Variants in PRSS54 observed in about 807,000 individuals in gnomAD.
PRSS54 encodes the protein serine protease 54, also known as inactive serine protease 54.
PRSS54 carries 16 observed loss-of-function variants against 19.9 expected under a neutral mutation model. That is an observed-to-expected ratio of 0.80 (90% CI 0.54 to 1.22). PRSS54 has a LOEUF of 1.22. Ranked by LOEUF, PRSS54 falls within the 50% of genes most tolerant of loss-of-function variation. The pLI is 0.00. For synonymous variants in PRSS54, 177 were observed against 195.8 expected (o/e 0.90, Z 0.80); for missense variants, 444 against 494.8 (o/e 0.90, Z 0.97).
intron 3 of PRSS54, 133 bp downstream of exon 3, chr16:58,293,599 C>T: frequency 6.7e-7 from 1 of 1,498,488 alleles, no homozygotes. Context: ...TGCAGGCCGC[C>T]CGGTGCAAAG....
chr16:58,289,697 G>A lies in PRSS54; in HGVS notation c.263+1262C>T, dbSNP rs60389291. Among the ~76,000 whole-genome samples, 56 of 151,752 alleles carry A rather than the reference G, an allele frequency of 3.7e-4. 2 individuals are homozygous for A. The East Asian group carries it at 0.011, about 29-fold the overall frequency. On this transcript the variant is annotated intron_variant, in intron 4 of 6. Coordinates refer to ENST00000567164, the MANE Select transcript of PRSS54 (RefSeq NM_001305173.2). ...AGTGATTCTCCTATCTCGGCCTTCC[G>A]AGTAGCTGTGATTACAGGTGTATGC... is the stretch of plus-strand genomic sequence containing the variant.
intron 4 of PRSS54, among the ~76,000 whole-genome samples, chr16:58,287,561 C>G (rs1190831271): frequency 6.6e-6 from 1 of 152,220 alleles, no homozygotes; most frequent in South Asian, 2.1e-4. Flanking sequence ...AGGACACTGA[C>G]TTCACTTTCC....
At chr16:58,293,487 C>T (rs568459355) in intron 3 of PRSS54, 4 of 953,762 alleles carry the variant, frequency 4.2e-6, no homozygotes, top group East Asian at 1.2e-4. Flanking sequence ...CCCAGAGGGC[C>T]TTATTTTCCT....
intron 3 of PRSS54, among the ~76,000 whole-genome samples, chr16:58,292,585 C>T (rs528866909): frequency 1.3e-5 from 2 of 152,296 alleles, no homozygotes; most frequent in East Asian, 3.9e-4. Context: ...CAGACATCTC[C>T]ATTAATTGAC....
rs957258349 is a variant in PRSS54 at position 58,287,855 on chromosome 16, T to C, written c.264-1660A>G. ...GTATTGTCTAACCAAAGTACTGGCA[T>C]TACAGGTGTGAGTTATTGCACCTGG... is the stretch of plus-strand genomic sequence containing the variant. On this transcript the variant is annotated intron_variant, in intron 4 of 6. Coordinates refer to ENST00000567164, the MANE Select transcript of PRSS54 (RefSeq NM_001305173.2). Among the ~76,000 whole-genome samples the C allele has an allele frequency of 5.3e-5, 8 of 152,190 alleles. 1 individual carries two copies. The South Asian group carries it at 1.4e-3, about 28-fold the overall frequency.
At chr16:58,290,810 G>C (rs887183659) in intron 4 of PRSS54, 149 bp downstream of exon 4, 1 of 813,390 alleles carries the variant, frequency 1.2e-6, no homozygotes, top group Non-Finnish European at 1.9e-6. Flanking sequence ...GTGAATTTAG[G>C]GCTCACGACA....
intron 6 of PRSS54, 119 bp from the exon 7 acceptor site, chr16:58,280,876 G>T: frequency 1.1e-6 from 1 of 914,622 alleles, no homozygotes; most frequent in Non-Finnish European, 1.6e-6. Flanking sequence ...ACTGGAAATG[G>T]GGCAAATTAT....
intron 3 of PRSS54, 21 bp downstream of exon 3, chr16:58,293,711 G>T: frequency 6.2e-7 from 1 of 1,605,762 alleles, no homozygotes; most frequent in South Asian, 1.1e-5. Flanking sequence ...AAAGTCAGAG[G>T]GAGGAAAGCA....
In PRSS54 at chr16:58,286,116, T is replaced by C; in HGVS notation, c.343A>G (p.Ile115Val). The stretch of plus-strand genomic sequence containing the variant: ...TTATCAAAGTCCTCATGGATGATGA[T>C]GGTATTGACTGGATACTCTGTGTGA... ...IAHTEYPVNTIIIHEDFDNNS... is the reference protein window; with the variant it reads ...IAHTEYPVNTVIIHEDFDNNS... Residue 115 changes from isoleucine to valine, a missense_variant, in exon 5 of 7, where the codon ATC becomes GTC. Ile to Val is a conservative substitution (Grantham distance 29). Transcript: ENST00000567164. 4 of 1,614,174 alleles carry C rather than the reference T, an allele frequency of 2.5e-6. No individual in the cohort carries two copies. The highest frequency in any genetic ancestry group is 3.4e-6 in the Non-Finnish European group (4 of 1,179,994).
chr16:58,293,383 G>A (rs965303702), intron 3 of PRSS54, among the ~76,000 whole-genome samples: 1 of 152,200 alleles, frequency 6.6e-6, no homozygotes, highest in Admixed American at 6.5e-5. Context: ...CAGCCCTGCA[G>A]TTGGGGGTTG....
At position 58,280,326 on chromosome 16, in the gene PRSS54, C is replaced by A; in HGVS notation, c.1086G>T (p.Glu362Asp). 1 of 1,614,154 alleles carries A rather than the reference C, an allele frequency of 6.2e-7. No homozygotes were observed. Among genetic ancestry groups the A allele is most frequent in the South Asian group, 1.1e-5 (1 of 91,078 alleles). ...CTGCAAAAATCCTACCTTCCCCCAC[C>A]TCCCCACCGTAATAGTCATAGTATA... ...QPLYYDYYGG[E>D]VGEGRIFAGQ... is the part of the protein sequence containing the mutation. Residue 362 changes from glutamate to aspartate, a missense_variant, in exon 7 of 7, where the codon GAG (glutamate) becomes GAT (aspartate). By Grantham distance (45) the Glu-to-Asp change is conservative. Coordinates refer to ENST00000567164, the MANE Select transcript of PRSS54 (RefSeq NM_001305173.2).
chr16:58,293,659 T>C (rs1225498292), intron 3 of PRSS54, 73 bp downstream of exon 3: 8 of 1,554,558 alleles, frequency 5.1e-6, no homozygotes, highest in Non-Finnish European at 6.1e-6. Flanking sequence ...AAGGACCACT[T>C]CATCTTCCCG....
chr16:58,280,169 G>T lies in PRSS54; in HGVS notation c.*55C>A. The T allele has an allele frequency of 6.6e-7, 1 of 1,525,532 alleles. No individual in the cohort carries two copies. The highest frequency in any genetic ancestry group is 8.9e-7 in the Non-Finnish European group (1 of 1,122,862). 94.5% of individuals were successfully genotyped at this position (1,525,532 alleles called of 1,614,324 possible). A position where few individuals can be genotyped will look rare whatever the true frequency, so the allele number is the denominator to read the frequency against. On this transcript the variant is annotated 3_prime_UTR_variant, in exon 7 of 7. Coordinates refer to ENST00000567164, the MANE Select transcript of PRSS54 (RefSeq NM_001305173.2). ...CAGACATCAAAACAGCATGGTGAAT[G>T]CCTGGCACTCAGCATTCTCAGTTTA...
Position 58,280,758 on chromosome 16 carries a change from C to A in PRSS54, c.655-1G>T. 1 of 1,596,888 alleles carries A rather than the reference C, an allele frequency of 6.3e-7. No individual in the cohort carries two copies. Among genetic ancestry groups the A allele is most frequent in the Non-Finnish European group, 8.6e-7 (1 of 1,168,708 alleles). On this transcript the variant is annotated splice_acceptor_variant, in intron 6 of 6. Coordinates refer to ENST00000567164, the MANE Select transcript of PRSS54 (RefSeq NM_001305173.2). LOFTEE classifies it high-confidence loss of function. ...ACATCATTGGGCTTCCTGGGTCCCCCTGTGATAAAAGACAGAAGGCTTCAA... is the reference window on the plus strand; with the variant it reads ...ACATCATTGGGCTTCCTGGGTCCCCATGTGATAAAAGACAGAAGGCTTCAA...
chr16:58,286,207 G>C lies in PRSS54; in HGVS notation c.264-12C>G. The C allele has an allele frequency of 6.2e-7, 1 of 1,612,840 alleles. No individual in the cohort carries two copies. The highest frequency in any genetic ancestry group is 8.5e-7 in the Non-Finnish European group (1 of 1,178,988). On this transcript the variant is annotated splice_polypyrimidine_tract_variant and intron_variant, in intron 4 of 6. Transcript: ENST00000567164. ...CGACAATGTCCTTCCTGGAGAGAGAGCAAGGGAATCTTGAGAAGCCAAGAC... is the reference window on the plus strand; with the variant it reads ...CGACAATGTCCTTCCTGGAGAGAGACCAAGGGAATCTTGAGAAGCCAAGAC...
intron 5 of PRSS54, 73 bp from the exon 6 acceptor site, chr16:58,284,794 CAT>C: frequency 3.9e-6 from 6 of 1,549,090 alleles, no homozygotes; most frequent in South Asian, 3.5e-5. Flanking sequence ...AACTCCCACT[CAT>C]ATAGCCAAAC....
chr16:58,291,024 GTGTGTGTAC>G lies in PRSS54; in HGVS notation c.189_197del (p.Gln63_Thr65del). 1 of 1,614,236 alleles carries G rather than the reference GTGTGTGTAC, an allele frequency of 6.2e-7. No homozygotes were observed. Among genetic ancestry groups the G allele is most frequent in the South Asian group, 1.1e-5 (1 of 91,086 alleles). On this transcript the variant is annotated inframe_deletion, in exon 4 of 7. Coordinates refer to ENST00000567164, the MANE Select transcript of PRSS54 (RefSeq NM_001305173.2). ...CGCTCAGGATGCAGCCGAAAGCCAG[GTGTGTGTAC>G]TGGGAGTCCTGCAGCGACACCACCC...
chr16:58,291,048 C>G lies in PRSS54; in HGVS notation c.174G>C (p.Ser58=), dbSNP rs773905745. 2 of 1,614,124 alleles carry G rather than the reference C, an allele frequency of 1.2e-6. No individual in the cohort carries two copies. Among genetic ancestry groups the G allele is most frequent in the African/African-American group, 1.3e-5 (1 of 75,028 alleles). Reference sequence around the variant, plus strand: ...GGTGTGTGTACTGGGAGTCCTGCAGCGACACCACCCACGGGAACTCCATGC... The same window carrying G: ...GGTGTGTGTACTGGGAGTCCTGCAGGGACACCACCCACGGGAACTCCATGC... ...VSSMEFPWVV[S]LQDSQYTHLA... is the part of the protein sequence containing the mutation. Residue 58 remains serine (S), a synonymous_variant, in exon 4 of 7, where the codon TCG becomes TCC. Coordinates refer to ENST00000567164, the MANE Select transcript of PRSS54 (RefSeq NM_001305173.2).
At chr16:58,290,936 G>T (rs759329827) in intron 4 of PRSS54, 23 bp downstream of exon 4, 3 of 1,611,454 alleles carry the variant, frequency 1.9e-6, no homozygotes, top group Non-Finnish European at 2.5e-6. Flanking sequence ...GATGTTGCGG[G>T]CCCCAAAGGC....
Sources: allele counts gnomAD v4.1 joint callset (sites outside exome capture counted in the v4.1 genomes callset), GRCh38; gene constraint gnomAD v4.1.1; transcripts MANE v1.5; gene names NCBI Gene and HGNC (gene_info 2026-07-23, HGNC 2026-07-21).